PPP1R12B: variants seen among roughly 807,000 people sequenced by gnomAD.
PPP1R12B encodes the protein protein phosphatase 1 regulatory subunit 12B.
In PPP1R12B, 76 loss-of-function variants were observed where a neutral mutation model predicts 126.1. That is an observed-to-expected ratio of 0.60 (90% confidence interval 0.50 to 0.73). The LOEUF (loss-of-function observed/expected upper bound fraction) is 0.73, where lower values mean the gene tolerates loss of function less well. Among genes scored for constraint, PPP1R12B ranks in the 30% least tolerant of loss-of-function variants. The pLI is 0.00. For missense variants in PPP1R12B, 1,052 were observed against 1,205.1 expected (o/e 0.87, Z 1.88); for synonymous variants, 356 against 434.7 (o/e 0.82, Z 2.25).
At chr1:202,423,134 A>T (rs1193492365) in intron 3 of PPP1R12B, among the ~76,000 whole-genome samples, 1 of 152,200 alleles carries the variant, frequency 6.6e-6, no homozygotes, top group East Asian at 1.9e-4. Context: ...AGTGGTGCTG[A>T]TAAAGATATT....
At chr1:202,435,538 A>G (rs570756392) in intron 9 of PPP1R12B, among the ~76,000 whole-genome samples, 42 of 152,296 alleles carry the variant, frequency 2.8e-4, no homozygotes, top group African/African-American at 9.1e-4. Context: ...GGTAGAAATA[A>G]CTTGTTGAAA....
chr1:202,555,671 A>G (rs1239528217), intron 18 of PPP1R12B, among the ~76,000 whole-genome samples: 1 of 152,052 alleles, frequency 6.6e-6, no homozygotes, highest in African/African-American at 2.4e-5. Context: ...ACGATGTGGA[A>G]AGTACATCTT....
At chr1:202,464,072 T>C (rs1255341095) in intron 13 of PPP1R12B, among the ~76,000 whole-genome samples, 1 of 152,184 alleles carries the variant, frequency 6.6e-6, no homozygotes, top group Admixed American at 6.5e-5. Context: ...CTGTAAGAAC[T>C]CCTGCAAATT....
intron 13 of PPP1R12B, among the ~76,000 whole-genome samples, chr1:202,475,259 T>C (rs1428515980): frequency 2.6e-5 from 4 of 152,228 alleles, no homozygotes; most frequent in African/African-American, 9.6e-5. Context: ...TAGAGTCAAA[T>C]GCATCCTCCA....
chr1:202,483,843 A>C (rs1464444204), intron 13 of PPP1R12B, among the ~76,000 whole-genome samples: 2 of 152,190 alleles, frequency 1.3e-5, no homozygotes, highest in African/African-American at 4.8e-5. Context: ...CCTCTTGCTT[A>C]ATTGTACCCT....
At chr1:202,448,736 A>T in intron 12 of PPP1R12B, 1 of 461,024 alleles carries the variant, frequency 2.2e-6, no homozygotes, top group Non-Finnish European at 3.9e-6. Flanking sequence ...GATTTTTGTT[A>T]AAACAAAATC....
At chr1:202,452,430 A>G (rs539660336) in intron 13 of PPP1R12B, among the ~76,000 whole-genome samples, 4 of 152,316 alleles carry the variant, frequency 2.6e-5, no homozygotes, top group East Asian at 1.9e-4. Context: ...TGCGCCTGCA[A>G]TCACAGGCAC....
intron 13 of PPP1R12B, among the ~76,000 whole-genome samples, chr1:202,486,542 A>C (rs966015560): frequency 2.6e-5 from 4 of 152,246 alleles, no homozygotes; most frequent in African/African-American, 9.6e-5. Flanking sequence ...ACAGTGGCTC[A>C]CGCCTATAAA....
intron 1 of PPP1R12B, 82 bp downstream of exon 1, chr1:202,349,224 C>A: frequency 6.6e-7 from 1 of 1,520,314 alleles, no homozygotes; most frequent in Non-Finnish European, 8.9e-7. Flanking sequence ...TGGGGAGTAT[C>A]AGTGTTGCCG....
intron 13 of PPP1R12B, among the ~76,000 whole-genome samples, chr1:202,450,048 A>T (rs1436412911): frequency 5.9e-5 from 9 of 152,214 alleles, no homozygotes; most frequent in Non-Finnish European, 1.5e-5. Context: ...ATTGTTAGGC[A>T]TTATTTCACC....
chr1:202,485,414 T>TG (rs1385195106), intron 13 of PPP1R12B, among the ~76,000 whole-genome samples: 11 of 28,974 alleles, frequency 3.8e-4, no homozygotes, highest in African/African-American at 1.4e-3. Flanking sequence ...GATGTGAGGG[T>TG]GGGGGGCAGG....
At chr1:202,454,764 T>C (rs192761866) in intron 13 of PPP1R12B, among the ~76,000 whole-genome samples, 1 of 152,046 alleles carries the variant, frequency 6.6e-6, no homozygotes, top group Non-Finnish European at 1.5e-5. Context: ...CAAGACCCCA[T>C]GTCTACAAAA....
chr1:202,355,527 T>A (rs1426697403), intron 1 of PPP1R12B, among the ~76,000 whole-genome samples: 1 of 152,138 alleles, frequency 6.6e-6, no homozygotes, highest in Admixed American at 6.6e-5. Flanking sequence ...GAAATCCTAA[T>A]GGATGTGTTT....
At chr1:202,552,037 A>G (rs1404091812) in intron 18 of PPP1R12B, among the ~76,000 whole-genome samples, 2 of 152,250 alleles carry the variant, frequency 1.3e-5, no homozygotes, top group African/African-American at 2.4e-5. Flanking sequence ...AGAACTGTGC[A>G]GACTTCTGAC....
Position 202,579,729 on chromosome 1 carries a change from A to T in PPP1R12B, c.2863-745A>T, listed in dbSNP as rs532600444. 2.0e-5 allele frequency among the ~76,000 whole-genome samples: 3 copies of T among 152,328 alleles called. No homozygotes were observed. In the East Asian group the frequency reaches 5.8e-4, roughly 29 times the overall value. On this transcript the variant is annotated intron_variant, in intron 23 of 23. Transcript: ENST00000608999. ...ACAAGCATCTATTTCTGTGAATTACAATGCCATCCCCTAAAACTGCTGATG... is the reference window on the plus strand; with the variant it reads ...ACAAGCATCTATTTCTGTGAATTACTATGCCATCCCCTAAAACTGCTGATG...
At chr1:202,368,975 A>C (rs922038436) in intron 1 of PPP1R12B, among the ~76,000 whole-genome samples, 10 of 152,194 alleles carry the variant, frequency 6.6e-5, no homozygotes, top group African/African-American at 2.2e-4. Flanking sequence ...CTTCAGCCCC[A>C]AAAAAGTATT....
At chr1:202,395,666 C>A (rs1251969113) in intron 1 of PPP1R12B, among the ~76,000 whole-genome samples, 1 of 152,204 alleles carries the variant, frequency 6.6e-6, no homozygotes, top group Non-Finnish European at 1.5e-5. Context: ...CTATTATAAC[C>A]AGTTCTAATT....
chr1:202,500,971 A>T (rs567814232), intron 18 of PPP1R12B, among the ~76,000 whole-genome samples: 1 of 152,366 alleles, frequency 6.6e-6, no homozygotes, highest in East Asian at 1.9e-4. Context: ...AACATAGTGC[A>T]TAGTTTTAGT....
intron 1 of PPP1R12B, among the ~76,000 whole-genome samples, chr1:202,411,370 C>T (rs1302215546): frequency 4.0e-5 from 6 of 151,584 alleles, no homozygotes; most frequent in Admixed American, 3.3e-4. Flanking sequence ...GAATGATTCT[C>T]TTCCACCTTA....
Sources: allele counts gnomAD v4.1 joint callset (sites outside exome capture counted in the v4.1 genomes callset), GRCh38; gene constraint gnomAD v4.1.1; transcripts MANE v1.5; gene names NCBI Gene and HGNC (gene_info 2026-07-23, HGNC 2026-07-21).